ARHGEF10L: variants seen among roughly 807,000 people sequenced by gnomAD.
ARHGEF10L encodes Rho guanine nucleotide exchange factor 10 like.
Under a neutral mutation model 141.2 loss-of-function variants are expected in ARHGEF10L, and 69 were observed. The observed-to-expected ratio is 0.49, with a 90% CI of 0.40 to 0.60. ARHGEF10L has a LOEUF of 0.60. Ranked by LOEUF, ARHGEF10L falls within the 20% of genes least tolerant of loss-of-function variation. The pLI is 0.00. For synonymous variants in ARHGEF10L, 711 were observed against 718.5 expected (o/e 0.99, Z 0.17); for missense variants, 1,482 against 1,734.3 (o/e 0.85, Z 2.58).
At chr1:17,618,266 CG>C in intron 9 of ARHGEF10L, 6 of 1,334,388 alleles carry the variant, frequency 4.5e-6, no homozygotes, top group East Asian at 3.3e-5. Context: ...CTCCCCACCC[CG>C]CCCACAAGCC....
chr1:17,657,185 G>C (rs12757678), intron 25 of ARHGEF10L, among the ~76,000 whole-genome samples: 19,615 of 152,178 alleles, frequency 0.13, 1,454 homozygotes, highest in Non-Finnish European at 0.16. Flanking sequence ...CATCTGGGTT[G>C]TTTTATTGAG....
chr1:17,612,949 G>A (rs1042741222), intron 7 of ARHGEF10L, 109 bp from the exon 8 acceptor site: 6 of 747,286 alleles, frequency 8.0e-6, no homozygotes, highest in Admixed American at 2.0e-5. Context: ...CTGTCCGTCC[G>A]CACTTTACCT....
chr1:17,647,146 C>G (rs1375629133), intron 21 of ARHGEF10L, among the ~76,000 whole-genome samples: 2 of 152,164 alleles, frequency 1.3e-5, no homozygotes, highest in African/African-American at 4.8e-5. Flanking sequence ...TGCGATGGAG[C>G]ATCAGCGGGC....
intron 1 of ARHGEF10L, among the ~76,000 whole-genome samples, chr1:17,577,156 T>G (rs1404126443): frequency 6.6e-6 from 1 of 152,244 alleles, no homozygotes; most frequent in South Asian, 2.1e-4. Flanking sequence ...GTGATTCTCC[T>G]GCTTCAGCTT....
rs1476389209 is a variant in ARHGEF10L, at chr1:17,654,612, C to T, written c.2395-24C>T. The T allele has an allele frequency of 3.7e-6, 6 of 1,606,934 alleles. No individual in the cohort carries two copies. Among genetic ancestry groups the T allele is most frequent in the African/African-American group, 1.3e-5 (1 of 74,762 alleles). On this transcript the variant is annotated intron_variant, in intron 22 of 28. Transcript: ENST00000361221. The surrounding 1 kb of genome is among the most constrained non-coding windows in gnomAD (Gnocchi z 4.3). ...CTGGGCACCTTGATGATTAACCTCA[C>T]ATGTACCGTCTCTGTCTCTGCAGCT...
At chr1:17,524,262 G>A in the ARHGEF10L span, among the ~76,000 whole-genome samples, 1 of 151,538 alleles carries the variant, frequency 6.6e-6, no homozygotes, top group Non-Finnish European at 1.5e-5. Context: ...CTGAGATGGT[G>A]TCACTGCACT....
intron 4 of ARHGEF10L, 84 bp from the exon 5 acceptor site, chr1:17,602,043 T>C (rs2080730561): frequency 7.8e-7 from 1 of 1,287,712 alleles, no homozygotes; most frequent in Non-Finnish European, 1.0e-6. Flanking sequence ...TTGCCCATCA[T>C]GTCCCGCTGA....
At chr1:17,591,493 C>T (rs757911922) in intron 4 of ARHGEF10L, among the ~76,000 whole-genome samples, 9 of 150,634 alleles carry the variant, frequency 6.0e-5, no homozygotes, top group Non-Finnish European at 1.2e-4. Flanking sequence ...CTCACTGCAA[C>T]CTTTGCCTCC....
chr1:17,690,346 C>G (rs375138697), intron 27 of ARHGEF10L, among the ~76,000 whole-genome samples: 1 of 152,374 alleles, frequency 6.6e-6, no homozygotes, highest in East Asian at 1.9e-4. Flanking sequence ...ATCCTCGGTC[C>G]CTACCCCGCA....
At chr1:17,618,109 C>A (rs2059906708) in intron 9 of ARHGEF10L, among the ~76,000 whole-genome samples, 1 of 152,176 alleles carries the variant, frequency 6.6e-6, no homozygotes, top group Non-Finnish European at 1.5e-5. Flanking sequence ...GGAGCACTGA[C>A]CCCCGATGAT....
intron 22 of ARHGEF10L, among the ~76,000 whole-genome samples, chr1:17,651,116 G>A (rs189141755): frequency 6.6e-6 from 1 of 152,126 alleles, no homozygotes; most frequent in Admixed American, 6.5e-5. Context: ...CATTAATATT[G>A]ATTTTTTTAA....
At position 17,549,100 on chromosome 1, in the gene ARHGEF10L, G is replaced by A. The variant is rs143835624; in HGVS notation, c.-44+9150G>A. Among the ~76,000 whole-genome samples the A allele has an allele frequency of 1.4e-3, 217 of 151,786 alleles. 1 individual carries two copies. The highest frequency in any genetic ancestry group is 2.4e-3 in the Non-Finnish European group (163 of 67,946). Reference sequence around the variant, plus strand: ...TGTGATGGCATGATCTTGGCTCACTGCATCCTCTGCATCCTGGGTTCGAGC... The same window carrying A: ...TGTGATGGCATGATCTTGGCTCACTACATCCTCTGCATCCTGGGTTCGAGC... On this transcript the variant is annotated intron_variant, in intron 1 of 28. Coordinates refer to ENST00000361221, the MANE Select transcript of ARHGEF10L (RefSeq NM_018125.4).
intron 27 of ARHGEF10L, among the ~76,000 whole-genome samples, chr1:17,689,549 T>C (rs1175796734): frequency 2.4e-3 from 2 of 838 alleles, no homozygotes; most frequent in Non-Finnish European, 4.2e-3. Flanking sequence ...CCTCCTTCCC[T>C]CCCTCTCTTC....
At chr1:17,585,520 C>A (rs185745275) in intron 2 of ARHGEF10L, among the ~76,000 whole-genome samples, 26 of 152,236 alleles carry the variant, frequency 1.7e-4, no homozygotes, top group Admixed American at 3.9e-4. Flanking sequence ...ATCCCCAAAG[C>A]CCCAGGAGGA....
At chr1:17,629,903 A>AG (rs2060586294) in intron 15 of ARHGEF10L, among the ~76,000 whole-genome samples, 1 of 152,108 alleles carries the variant, frequency 6.6e-6, no homozygotes, top group Non-Finnish European at 1.5e-5. Context: ...GCCTCTTGGG[A>AG]GGAGGAAATA....
chr1:17,599,593 C>T (rs1428575334), intron 4 of ARHGEF10L, among the ~76,000 whole-genome samples: 1 of 152,030 alleles, frequency 6.6e-6, no homozygotes, highest in Non-Finnish European at 1.5e-5. Flanking sequence ...GGCGGCTCAG[C>T]GAAGCAGCTG....
At chr1:17,596,747 A>G (rs922015412) in intron 4 of ARHGEF10L, among the ~76,000 whole-genome samples, 4 of 152,102 alleles carry the variant, frequency 2.6e-5, no homozygotes, top group Admixed American at 6.5e-5. Context: ...CTTATCTTTA[A>G]AACAGGCTGG....
intron 8 of ARHGEF10L, among the ~76,000 whole-genome samples, chr1:17,614,736 G>A (rs1484878632): frequency 1.3e-5 from 2 of 152,192 alleles, no homozygotes; most frequent in Non-Finnish European, 2.9e-5. Flanking sequence ...TTGTCCCGTA[G>A]AAATGCAGGG....
At position 17,639,406 on chromosome 1, in the gene ARHGEF10L, C is replaced by T. The variant is rs2061201407; in HGVS notation, c.2171+717C>T. Among the ~76,000 whole-genome samples the T allele has an allele frequency of 6.6e-6, 1 of 152,216 alleles. No individual in the cohort carries two copies. The highest frequency in any genetic ancestry group is 2.1e-4 in the South Asian group (1 of 4,836). On this transcript the variant is annotated intron_variant, in intron 20 of 28. Transcript: ENST00000361221. This position sits in a 1 kb window ranked among gnomAD's most constrained non-coding sequence, Gnocchi z 4.3. Reference sequence around the variant, plus strand: ...GGGTGAAGGTGGGGATAGAGTGTCACAAGCACAGTGGCTGCAAGGAAGAGA... The same window carrying T: ...GGGTGAAGGTGGGGATAGAGTGTCATAAGCACAGTGGCTGCAAGGAAGAGA...
Sources: gnomAD v4.1 joint callset for allele counts (sites outside exome capture counted in the v4.1 genomes callset) on GRCh38, gnomAD v4.1.1 for gene constraint, Gnocchi (gnomAD v3.1) non-coding constraint, MANE v1.5 for transcripts, NCBI Gene and HGNC (gene_info 2026-07-23, HGNC 2026-07-21) for gene names.